The following COG6 variants were observed in gnomAD, a reference collection of about 807,000 sequenced individuals.
COG6 encodes the protein component of oligomeric golgi complex 6, also known as conserved oligomeric Golgi complex subunit 6.
In COG6, 74 loss-of-function variants were observed where a neutral mutation model predicts 88.8. That is an observed-to-expected ratio of 0.83 (90% CI 0.69 to 1.01). The LOEUF (loss-of-function observed/expected upper bound fraction) is 1.01, where lower values mean the gene tolerates loss of function less well. COG6 is among the 50% of genes least tolerant of loss of function. COG6 has a pLI of 0.00. For missense variants in COG6, 800 were observed against 797.9 expected, an observed-to-expected ratio of 1.00 and a Z score of -0.03; for synonymous variants, 286 against 278.7, an observed-to-expected ratio of 1.03 and a Z score of -0.26.
At chr13:39,755,225 C>G (rs192958608), downstream of COG6, among the ~76,000 whole-genome samples, 11 of 152,234 alleles carry the variant, frequency 7.2e-5, no homozygotes, top group African/African-American at 2.4e-4. Flanking sequence ...TAACAGCAAG[C>G]ATTTTGGTGT....
intron 18 of COG6, among the ~76,000 whole-genome samples, chr13:39,772,327 T>G (rs1881341739): frequency 6.6e-6 from 1 of 152,206 alleles, no homozygotes; most frequent in African/African-American, 2.4e-5. Flanking sequence ...ATCATAATTC[T>G]TTGCATATTT....
intron 18 of COG6, among the ~76,000 whole-genome samples, chr13:39,773,646 C>G (rs1232912443): frequency 2.0e-5 from 3 of 152,182 alleles, no homozygotes; most frequent in African/African-American, 4.8e-5. Flanking sequence ...TCTGTTCCAG[C>G]CTGACTCCAA....
At chr13:39,723,288 A>T in intron 15 of COG6, 45 bp from the exon 16 acceptor site, 2 of 1,203,176 alleles carry the variant, frequency 1.7e-6, no homozygotes, top group Non-Finnish European at 2.5e-6. Context: ...TACTCTCATC[A>T]GTGTCATTCT....
chr13:39,743,608 A>AT lies in COG6; in HGVS notation c.1827-7336dup, dbSNP rs200240191. 5.8e-4 allele frequency among the ~76,000 whole-genome samples: 89 copies of AT among 152,282 alleles called. 1 individual carries two copies. In the East Asian group the frequency reaches 0.016, roughly 28 times the overall value. On this transcript the variant is annotated intron_variant, in intron 18 of 18. Coordinates refer to ENST00000455146, the MANE Select transcript of COG6 (RefSeq NM_020751.3). ...AACAGGCTCTGAAATTGAGGCAATA[A>AT]TTAATAGCCTACCAACCAAAAAAAA...
chr13:39,741,896 C>T (rs571247535), intron 18 of COG6, among the ~76,000 whole-genome samples: 204 of 152,100 alleles, frequency 1.3e-3, no homozygotes, highest in Middle Eastern at 3.4e-3. Flanking sequence ...TCAGACTAAC[C>T]GCATATCTGT....
intron 18 of COG6, among the ~76,000 whole-genome samples, chr13:39,735,490 G>T (rs528412484): frequency 6.6e-6 from 1 of 152,018 alleles, no homozygotes; most frequent in African/African-American, 2.4e-5. Flanking sequence ...AGTTATTTTT[G>T]CTAGGTTCAT....
At chr13:39,691,625 C>T (rs1407641174) in intron 11 of COG6, among the ~76,000 whole-genome samples, 1 of 151,902 alleles carries the variant, frequency 6.6e-6, no homozygotes, top group Admixed American at 6.6e-5. Context: ...TCCAGCAACT[C>T]TCATACCTTC....
intron 18 of COG6, among the ~76,000 whole-genome samples, chr13:39,787,602 A>G (rs569486934): frequency 1.3e-5 from 2 of 152,160 alleles, no homozygotes; most frequent in Admixed American, 6.5e-5. Flanking sequence ...TTAACTATAT[A>G]TATATTTATG....
At chr13:39,768,873 G>A (rs911051858) in intron 18 of COG6, among the ~76,000 whole-genome samples, 2 of 152,106 alleles carry the variant, frequency 1.3e-5, no homozygotes, top group Non-Finnish European at 2.9e-5. Flanking sequence ...TCAGAGGGAA[G>A]CATTTGCTTG....
rs557200602 is a variant in COG6, at chr13:39,760,608, A to G, written c.1827-27727A>G. 7.9e-5 allele frequency among the ~76,000 whole-genome samples: 12 copies of G among 152,328 alleles called. No homozygotes were observed. In the East Asian group the frequency reaches 2.3e-3, roughly 29 times the overall value. ...ATAATGAATCATACAATAACAAACC[A>G]TAATAGAATTTGCATTAACCAAAAA... On this transcript the variant is annotated intron_variant, in intron 18 of 18. Transcript: ENST00000416691.
chr13:39,686,376 A>G (rs1276281492), intron 8 of COG6, among the ~76,000 whole-genome samples: 1 of 152,210 alleles, frequency 6.6e-6, no homozygotes, highest in Non-Finnish European at 1.5e-5. Flanking sequence ...AGTCAAAGAA[A>G]TGGGCACTCC....
At chr13:39,692,275 T>C (rs1298976646) in intron 11 of COG6, among the ~76,000 whole-genome samples, 1 of 151,888 alleles carries the variant, frequency 6.6e-6, no homozygotes, top group Non-Finnish European at 1.5e-5. Flanking sequence ...AGAACTAATA[T>C]ATTAAATTTT....
intron 11 of COG6, among the ~76,000 whole-genome samples, chr13:39,691,117 G>C (rs565712989): frequency 1.1e-3 from 173 of 151,470 alleles, no homozygotes; most frequent in African/African-American, 3.9e-3. Context: ...ATTTTTGTGG[G>C]TACATAGTAG....
At chr13:39,664,767 A>T (rs1399625529) in intron 3 of COG6, among the ~76,000 whole-genome samples, 1 of 152,230 alleles carries the variant, frequency 6.6e-6, no homozygotes, top group Non-Finnish European at 1.5e-5. Flanking sequence ...CAACACGTCC[A>T]TACCTGAAGT....
At chr13:39,787,381 C>T (rs1209358366) in intron 18 of COG6, among the ~76,000 whole-genome samples, 2 of 151,822 alleles carry the variant, frequency 1.3e-5, no homozygotes, top group Non-Finnish European at 2.9e-5. Flanking sequence ...TGTGTGTGTG[C>T]GTGTGGTGTG....
In COG6 at chr13:39,687,409, T is replaced by C. The variant is rs1439407563; in HGVS notation, c.789-94T>C. On this transcript the variant is annotated intron_variant, in intron 8 of 18. Transcript: ENST00000455146. ...TATCTAAAGGAGCTTTAAGTGCTTT[T>C]TAAGTACTTGGTTGTCTCAGAAATT... is the stretch of plus-strand genomic sequence containing the variant. 6.9e-6 allele frequency: 8 copies of C among 1,151,524 alleles called. No homozygotes were observed. In the East Asian group the frequency reaches 1.9e-4, roughly 27 times the overall value. The allele number at this position is 1,151,524 out of a possible 1,614,324, so 71.3% of individuals were successfully genotyped here.
In COG6 at chr13:39,727,473, A is replaced by C; in HGVS notation, c.1751A>C (p.Gln584Pro). The stretch of plus-strand genomic sequence containing the variant: ...GTATTTCTCTGTTTCATTTAGGTTC[A>C]GTTTGATCGTTATCTGTCAGCCCCA... ...DSVTLKAAMV[Q>P]FDRYLSAPDN... Residue 584 changes from glutamine (Q) to proline (P), a missense_variant, in exon 18 of 19, where the codon CAG becomes CCG. Transcript: ENST00000455146. 1 of 1,610,888 alleles carries C rather than the reference A, an allele frequency of 6.2e-7. No homozygotes were observed. Among genetic ancestry groups the C allele is most frequent in the Non-Finnish European group, 8.5e-7 (1 of 1,177,224 alleles).
At chr13:39,763,901 T>C (rs1275507958) in intron 18 of COG6, among the ~76,000 whole-genome samples, 2 of 151,920 alleles carry the variant, frequency 1.3e-5, no homozygotes. Flanking sequence ...TGTCAGGTTT[T>C]GATAACAGGA....
At chr13:39,790,575 C>G (rs1881910425) in exon 19 of COG6, 1 of 152,036 alleles carries the variant, frequency 6.6e-6, no homozygotes, top group South Asian at 2.1e-4. Flanking sequence ...TCTATTTCAT[C>G]TGCTTCATAA....
Sources: gnomAD v4.1 joint callset for allele counts (sites outside exome capture counted in the v4.1 genomes callset) on GRCh38, gnomAD v4.1.1 for gene constraint, MANE v1.5 for transcripts, NCBI Gene and HGNC (gene_info 2026-07-23, HGNC 2026-07-21) for gene names.